SAMD12: variants seen among roughly 807,000 people sequenced by gnomAD.
The protein encoded by SAMD12 is sterile alpha motif domain-containing protein 12.
Under a neutral mutation model 15.0 loss-of-function variants are expected in SAMD12, and 9 were observed. That is an observed-to-expected ratio of 0.60 (90% confidence interval 0.36 to 1.05). SAMD12 has a LOEUF of 1.05. SAMD12 is among the 50% of genes least tolerant of loss of function. The pLI is 0.01. For synonymous variants in SAMD12, 86 were observed against 90.1 expected (o/e 0.96, Z 0.25); for missense variants, 230 against 234.2 (o/e 0.98, Z 0.12).
At chr8:118,386,105 C>G (rs1180798754) in intron 3 of SAMD12, among the ~76,000 whole-genome samples, 1 of 152,182 alleles carries the variant, frequency 6.6e-6, no homozygotes, top group Non-Finnish European at 1.5e-5. Context: ...TATTCATTTC[C>G]TATGGTTGCC....
chr8:118,540,333 A>T (rs1344027470), intron 2 of SAMD12, among the ~76,000 whole-genome samples: 1 of 152,242 alleles, frequency 6.6e-6, no homozygotes, highest in African/African-American at 2.4e-5. Context: ...TTTAATTATA[A>T]TAAAGTGCTA....
At chr8:118,366,717 C>T (rs1563799490) in intron 4 of SAMD12, among the ~76,000 whole-genome samples, 2 of 151,720 alleles carry the variant, frequency 1.3e-5, no homozygotes. Flanking sequence ...GAGGCTGAGG[C>T]AGGAAAATTG....
At chr8:118,269,893 T>C (rs1024431419) in intron 4 of SAMD12, among the ~76,000 whole-genome samples, 2 of 152,190 alleles carry the variant, frequency 1.3e-5, no homozygotes, top group African/African-American at 2.4e-5. Context: ...CCACCCAATG[T>C]GCGCAACCCT....
intron 2 of SAMD12, among the ~76,000 whole-genome samples, chr8:118,579,928 T>C (rs950611236): frequency 2.6e-5 from 4 of 152,186 alleles, no homozygotes; most frequent in African/African-American, 9.6e-5. Context: ...AGTCCCATTG[T>C]AGGGAGCCTT....
At chr8:118,541,310 C>T (rs948659034) in intron 2 of SAMD12, among the ~76,000 whole-genome samples, 3 of 152,158 alleles carry the variant, frequency 2.0e-5, no homozygotes, top group African/African-American at 7.2e-5. Context: ...CTTACCCTTC[C>T]TCAAGTAAGC....
intron 2 of SAMD12, among the ~76,000 whole-genome samples, chr8:118,568,753 T>A (rs766634998): frequency 3.4e-4 from 52 of 152,184 alleles, no homozygotes; most frequent in Non-Finnish European, 6.3e-4. Flanking sequence ...GGAAAGCTTA[T>A]TGACTTGGGG....
At chr8:118,603,503 C>CA (rs1312109410) in intron 1 of SAMD12, among the ~76,000 whole-genome samples, 2 of 151,806 alleles carry the variant, frequency 1.3e-5, no homozygotes, top group African/African-American at 2.4e-5. Context: ...TTCCAACTTT[C>CA]AAAAAAAAGT....
At chr8:118,149,928 T>A in the SAMD12 span, among the ~76,000 whole-genome samples, 4 of 152,196 alleles carry the variant, frequency 2.6e-5, no homozygotes, top group Admixed American at 2.0e-4. Context: ...GTAATACTGA[T>A]CTATTTGTTC....
chr8:118,566,695 A>C lies in SAMD12; in HGVS notation c.192+14020T>G, dbSNP rs142071801. ...AAGAAACATGAGTGAAGAGCACTAG[A>C]CATAGGCAGATCCAAACCAGAGAGA... On this transcript the variant is annotated intron_variant, in intron 2 of 3. Coordinates refer to ENST00000314727, the MANE Select transcript of SAMD12 (RefSeq NM_207506.3). 5.4e-3 allele frequency among the ~76,000 whole-genome samples: 828 copies of C among 152,326 alleles called. 2 individuals are homozygous for C. Among genetic ancestry groups the C allele is most frequent in the African/African-American group, 0.018 (768 of 41,576 alleles).
chr8:118,572,927 A>G (rs540543038), intron 2 of SAMD12, among the ~76,000 whole-genome samples: 1 of 152,188 alleles, frequency 6.6e-6, no homozygotes, highest in African/African-American at 2.4e-5. Context: ...TGCTTCCCCC[A>G]TGCTCTTCTC....
At chr8:118,345,484 A>T (rs1183934491) in intron 4 of SAMD12, among the ~76,000 whole-genome samples, 1 of 152,258 alleles carries the variant, frequency 6.6e-6, no homozygotes, top group Non-Finnish European at 1.5e-5. Flanking sequence ...TAGTAGTGGT[A>T]CAATGAGGAG....
the SAMD12 span, among the ~76,000 whole-genome samples, chr8:118,146,058 G>A: frequency 2.0e-5 from 3 of 152,366 alleles, no homozygotes; most frequent in South Asian, 6.2e-4. Flanking sequence ...TTTAGGTCCA[G>A]TAAGGGTAAT....
chr8:118,482,316 C>T (rs1824148616), intron 2 of SAMD12, among the ~76,000 whole-genome samples: 1 of 152,164 alleles, frequency 6.6e-6, no homozygotes, highest in African/African-American at 2.4e-5. Context: ...GGAAAATCAT[C>T]TTAACTTGTC....
At chr8:118,529,211 CT>C (rs1374797187) in intron 2 of SAMD12, among the ~76,000 whole-genome samples, 1 of 152,174 alleles carries the variant, frequency 6.6e-6, no homozygotes, top group Non-Finnish European at 1.5e-5. Context: ...GTTTCATTTA[CT>C]TTTCAGAGGC....
intron 3 of SAMD12, among the ~76,000 whole-genome samples, chr8:118,416,433 C>T (rs1821693215): frequency 6.6e-6 from 1 of 152,158 alleles, no homozygotes; most frequent in Non-Finnish European, 1.5e-5. Flanking sequence ...TAGTATATCT[C>T]TAACATGCCC....
intron 4 of SAMD12, among the ~76,000 whole-genome samples, chr8:118,241,687 A>G (rs112826282): frequency 8.1e-4 from 124 of 152,272 alleles, no homozygotes; most frequent in African/African-American, 2.8e-3. Context: ...AAGTCAAATC[A>G]GTTTCCTCAT....
At chr8:118,493,197 T>A (rs1480731749) in intron 2 of SAMD12, among the ~76,000 whole-genome samples, 5 of 152,198 alleles carry the variant, frequency 3.3e-5, no homozygotes, top group Admixed American at 3.3e-4. Flanking sequence ...GCTGACCATA[T>A]GAAAAACTTC....
intron 3 of SAMD12, chr8:118,400,182 C>T (rs1820798954): frequency 6.6e-6 from 1 of 152,172 alleles, no homozygotes; most frequent in African/African-American, 2.4e-5. Context: ...TTACAGAGGG[C>T]TTGTTCTATG....
At chr8:118,250,747 C>A (rs566727721) in intron 4 of SAMD12, among the ~76,000 whole-genome samples, 1 of 151,690 alleles carries the variant, frequency 6.6e-6, no homozygotes, top group Non-Finnish European at 1.5e-5. Flanking sequence ...TCAAGTAATC[C>A]GCCCGCTTCA....
Sources: gnomAD v4.1 joint callset for allele counts (sites outside exome capture counted in the v4.1 genomes callset) on GRCh38, gnomAD v4.1.1 for gene constraint, MANE v1.5 for transcripts, NCBI Gene and HGNC (gene_info 2026-07-23, HGNC 2026-07-21) for gene names.